CNOT2: variants seen among roughly 807,000 people sequenced by gnomAD.
CNOT2 encodes CCR4-NOT transcription complex subunit 2.
CNOT2 carries 7 observed loss-of-function variants against 72.1 expected under a neutral mutation model. The ratio of observed to expected loss-of-function variants is 0.10; its 90% CI spans 0.06 to 0.18. The LOEUF is 0.18. Among genes scored for constraint, CNOT2 ranks in the 10% least tolerant of loss-of-function variants. The pLI is 1.00. For synonymous variants in CNOT2, 196 were observed against 225.6 expected (o/e 0.87, Z 1.17); for missense variants, 345 against 660.3 (o/e 0.52, Z 5.23).
chr12:70,294,955 T>TGA (rs546254969), intron 2 of CNOT2, among the ~76,000 whole-genome samples: 56 of 150,904 alleles, frequency 3.7e-4, no homozygotes, highest in Non-Finnish European at 5.2e-4. Context: ...TGTGTGTGTG[T>TGA]GAGAGAGAGA....
At chr12:70,335,820 T>C (rs1358519736) in intron 8 of CNOT2, 1 of 271,912 alleles carries the variant, frequency 3.7e-6, no homozygotes, top group African/African-American at 2.2e-5. Context: ...TCAGAAGTTA[T>C]TTTCTTCTGT....
At chr12:70,334,836 A>G (rs1361768662) in intron 7 of CNOT2, 2 of 152,162 alleles carry the variant, frequency 1.3e-5, no homozygotes, top group Admixed American at 6.6e-5. Context: ...TATATTTCCT[A>G]TCCATTTACC....
intron 5 of CNOT2, among the ~76,000 whole-genome samples, 170 bp from the exon 6 acceptor site, chr12:70,330,117 T>G (rs1879708383): frequency 6.6e-6 from 1 of 152,016 alleles, no homozygotes; most frequent in African/African-American, 2.4e-5. Context: ...CTTTATTGTT[T>G]GTTTACTTTT....
intron 1 of CNOT2, among the ~76,000 whole-genome samples, chr12:70,254,237 CAAAA>C (rs10711236): frequency 4.2e-5 from 5 of 117,942 alleles, no homozygotes; most frequent in Admixed American, 2.5e-4. Flanking sequence ...GACTCTGTCT[CAAAA>C]AAAAAAAAAA....
At chr12:70,287,635 C>T (rs1458562534) in intron 2 of CNOT2, among the ~76,000 whole-genome samples, 1 of 149,888 alleles carries the variant, frequency 6.7e-6, no homozygotes, top group South Asian at 2.2e-4. Context: ...TTATTATGTA[C>T]ATCTTATGTA....
intron 1 of CNOT2, among the ~76,000 whole-genome samples, chr12:70,249,904 G>A (rs544864454): frequency 3.3e-5 from 5 of 152,142 alleles, no homozygotes; most frequent in Middle Eastern, 3.4e-3. Flanking sequence ...AATGCTTTAG[G>A]GGTGTAGTTT....
chr12:70,327,294 CGTG>C (rs1879234936), intron 4 of CNOT2, among the ~76,000 whole-genome samples: 1 of 151,518 alleles, frequency 6.6e-6, no homozygotes, highest in Non-Finnish European at 1.5e-5. Flanking sequence ...GAGAGCAAGA[CGTG>C]GAGATTTAGA....
At chr12:70,331,310 T>A (rs1879904015) in intron 6 of CNOT2, 2 of 151,994 alleles carry the variant, frequency 1.3e-5, no homozygotes, top group Non-Finnish European at 2.9e-5. Flanking sequence ...AAACTCCAGG[T>A]TTTGCTTTTA....
At chr12:70,296,979 T>C (rs1399591965) in intron 2 of CNOT2, among the ~76,000 whole-genome samples, 1 of 152,164 alleles carries the variant, frequency 6.6e-6, no homozygotes. Flanking sequence ...TTTTTACCTA[T>C]CATGTTTTCC....
At chr12:70,254,155 T>A (rs1459427309) in intron 1 of CNOT2, among the ~76,000 whole-genome samples, 1 of 151,368 alleles carries the variant, frequency 6.6e-6, no homozygotes, top group Non-Finnish European at 1.5e-5. Context: ...GGAGAATCGC[T>A]TGAACCCGGG....
intron 3 of CNOT2, among the ~76,000 whole-genome samples, chr12:70,314,902 T>C (rs1375707624): frequency 6.6e-6 from 1 of 152,160 alleles, no homozygotes; most frequent in African/African-American, 2.4e-5. Context: ...TCGCTCTTGT[T>C]GCCCAGGCTG....
intron 2 of CNOT2, among the ~76,000 whole-genome samples, chr12:70,293,766 T>C (rs187946339): frequency 6.2e-4 from 94 of 152,208 alleles, no homozygotes; most frequent in Non-Finnish European, 1.1e-3. Flanking sequence ...TTAGATTTAA[T>C]GTTGAGTACT....
At chr12:70,336,180 T>G (rs1407672445) in intron 8 of CNOT2, 1 of 152,216 alleles carries the variant, frequency 6.6e-6, no homozygotes, top group Non-Finnish European at 1.5e-5. Context: ...AGATGTCACC[T>G]GGGGAAAAAA....
intron 4 of CNOT2, among the ~76,000 whole-genome samples, chr12:70,326,443 T>C (rs1257256736): frequency 6.8e-6 from 1 of 147,820 alleles, no homozygotes; most frequent in African/African-American, 2.5e-5. Flanking sequence ...CCTTGAGTTC[T>C]TCCCATTTTT....
intron 1 of CNOT2, among the ~76,000 whole-genome samples, chr12:70,263,950 T>A (rs1958901803): frequency 6.6e-6 from 1 of 152,202 alleles, no homozygotes; most frequent in Admixed American, 6.5e-5. Flanking sequence ...TGGGCAATTA[T>A]ATTGGGATGA....
intron 2 of CNOT2, among the ~76,000 whole-genome samples, chr12:70,292,613 G>T (rs1872114795): frequency 6.6e-6 from 1 of 152,096 alleles, no homozygotes; most frequent in South Asian, 2.1e-4. Flanking sequence ...GAAGAGAAGG[G>T]GAGAATGCTA....
Position 70,330,461 on chromosome 12 carries a change from T to A in CNOT2, c.561T>A (p.Thr187=). The A allele has an allele frequency of 1.2e-6, 2 of 1,610,020 alleles. No homozygotes were observed. Among genetic ancestry groups the A allele is most frequent in the Non-Finnish European group, 1.7e-6 (2 of 1,177,194 alleles). Reference sequence around the variant, plus strand: ...AGCAGCCTTCTCGACAGCCTTTTACTGTGAACAGGTAAGATGTTTATTGAT... The same window carrying A: ...AGCAGCCTTCTCGACAGCCTTTTACAGTGAACAGGTAAGATGTTTATTGAT... ...PKQQPSRQPF[T]VNSMSGFGMN... is the part of the protein sequence containing the mutation. Residue 187 remains threonine, a synonymous_variant, in exon 6 of 16, where the codon ACT becomes ACA. Coordinates refer to ENST00000229195, the MANE Select transcript of CNOT2 (RefSeq NM_014515.7).
chr12:70,297,016 A>G (rs1708073598), intron 2 of CNOT2, among the ~76,000 whole-genome samples: 1 of 152,168 alleles, frequency 6.6e-6, no homozygotes, highest in Admixed American at 6.5e-5. Context: ...TAAAAACGCT[A>G]GATTATCTTC....
intron 1 of CNOT2, among the ~76,000 whole-genome samples, chr12:70,272,315 G>A (rs1311605771): frequency 2.0e-5 from 3 of 152,176 alleles, no homozygotes; most frequent in Non-Finnish European, 4.4e-5. Context: ...AATTCAGACT[G>A]TTGGGTGTTC....
Sources: gnomAD v4.1 joint callset for allele counts (sites outside exome capture counted in the v4.1 genomes callset) on GRCh38, gnomAD v4.1.1 for gene constraint, MANE v1.5 for transcripts, NCBI Gene and HGNC (gene_info 2026-07-23, HGNC 2026-07-21) for gene names.